ENTREP2: variants seen among roughly 807,000 people sequenced by gnomAD.
ENTREP2 encodes the protein protein ENTREP2.
At chr15:29,471,712 C>A in the ENTREP2 span, among the ~76,000 whole-genome samples, 1 of 152,240 alleles carries the variant, frequency 6.6e-6, no homozygotes, top group Non-Finnish European at 1.5e-5. Context: ...GGACAGCACA[C>A]CTCTGGTGCA....
chr15:29,279,834 A>G, the ENTREP2 span, among the ~76,000 whole-genome samples: 1 of 152,190 alleles, frequency 6.6e-6, no homozygotes, highest in Non-Finnish European at 1.5e-5. Context: ...TCAACATGAG[A>G]AATCATGTTG....
the ENTREP2 span, among the ~76,000 whole-genome samples, chr15:29,442,459 G>C: frequency 2.6e-5 from 4 of 152,160 alleles, no homozygotes; most frequent in African/African-American, 9.7e-5. Context: ...TTTTATTCTT[G>C]GAGAAATCAC....
chr15:29,585,973 A>G, the ENTREP2 span, among the ~76,000 whole-genome samples: 1 of 152,300 alleles, frequency 6.6e-6, no homozygotes, highest in Admixed American at 6.5e-5. Context: ...ATAGGTATAT[A>G]CCCAAGAGAA....
At chr15:29,132,878 G>A in the ENTREP2 span, among the ~76,000 whole-genome samples, 3 of 152,258 alleles carry the variant, frequency 2.0e-5, no homozygotes, top group African/African-American at 4.8e-5. Context: ...AGGGAGAACC[G>A]GGAAGCAGGC....
At chr15:29,146,661 G>A in the ENTREP2 span, among the ~76,000 whole-genome samples, 1 of 152,322 alleles carries the variant, frequency 6.6e-6, no homozygotes, top group East Asian at 1.9e-4. Flanking sequence ...GTGCAGGCCG[G>A]GTGTGGTGGC....
chr15:29,478,851 G>A, the ENTREP2 span, among the ~76,000 whole-genome samples: 3 of 150,152 alleles, frequency 2.0e-5, no homozygotes, highest in African/African-American at 7.4e-5. Context: ...GTTGCAGTGA[G>A]CTGAGATCTT....
the ENTREP2 span, among the ~76,000 whole-genome samples, chr15:29,578,266 T>C: frequency 6.6e-6 from 1 of 152,214 alleles, no homozygotes; most frequent in African/African-American, 2.4e-5. Context: ...AGTCTGGCTG[T>C]TCCTCAAAAA....
the ENTREP2 span, among the ~76,000 whole-genome samples, chr15:29,396,094 T>A: frequency 3.9e-4 from 59 of 152,332 alleles, no homozygotes; most frequent in South Asian, 1.0e-2. Context: ...CCTCACTAGT[T>A]ACCATTTCTT....
At chr15:29,375,404 C>CCT in the ENTREP2 span, 7 of 152,248 alleles carry the variant, frequency 4.6e-5, no homozygotes, top group African/African-American at 1.7e-4. Context: ...TCTCCAGAAC[C>CCT]CTCTACTTGA....
chr15:29,136,601 C>G, the ENTREP2 span: 1 of 1,268,214 alleles, frequency 7.9e-7, no homozygotes, highest in Non-Finnish European at 1.1e-6. Flanking sequence ...AGGGCTTCCC[C>G]TCTTCTAATA....
At chr15:29,188,949 G>A in the ENTREP2 span, among the ~76,000 whole-genome samples, 3 of 152,178 alleles carry the variant, frequency 2.0e-5, no homozygotes, top group East Asian at 1.9e-4. Context: ...GCGTACCCTC[G>A]CTCCTCGGGG....
the ENTREP2 span, among the ~76,000 whole-genome samples, chr15:29,301,263 G>A: frequency 2.0e-5 from 3 of 152,228 alleles, no homozygotes; most frequent in Non-Finnish European, 2.9e-5. Flanking sequence ...TAACAGAATC[G>A]AGAAAAGCAA....
the ENTREP2 span, among the ~76,000 whole-genome samples, chr15:29,591,698 C>A: frequency 2.1e-4 from 32 of 152,034 alleles, no homozygotes; most frequent in African/African-American, 7.5e-4. Flanking sequence ...TACAGCCAGG[C>A]ATGGTGGTGC....
At chr15:29,280,878 CTTTTT>C in the ENTREP2 span, among the ~76,000 whole-genome samples, 1 of 149,794 alleles carries the variant, frequency 6.7e-6, no homozygotes, top group Non-Finnish European at 1.5e-5. Context: ...AGAAGCAGTA[CTTTTT>C]TTTTTAAGAC....
chr15:29,539,016 C>T, the ENTREP2 span, among the ~76,000 whole-genome samples: 1 of 152,212 alleles, frequency 6.6e-6, no homozygotes, highest in Non-Finnish European at 1.5e-5. Context: ...ATAATGGCAG[C>T]TGCACCTTCC....
the ENTREP2 span, among the ~76,000 whole-genome samples, chr15:29,639,148 C>G: frequency 1.3e-5 from 2 of 152,212 alleles, no homozygotes; most frequent in Non-Finnish European, 2.9e-5. Flanking sequence ...AAATAAGCTA[C>G]TGAGCATCTG....
At chr15:29,539,068 T>A in the ENTREP2 span, among the ~76,000 whole-genome samples, 2 of 152,004 alleles carry the variant, frequency 1.3e-5, no homozygotes, top group South Asian at 4.1e-4. Context: ...CAAGGGGTGG[T>A]GAGGGAGAAA....
At chr15:29,410,027 G>A in the ENTREP2 span, among the ~76,000 whole-genome samples, 257 of 152,280 alleles carry the variant, frequency 1.7e-3, 2 homozygotes, top group African/African-American at 5.8e-3. Context: ...TCGCCCTAGC[G>A]CAGGTCTGGA....
chr15:29,356,866 A>G, the ENTREP2 span, among the ~76,000 whole-genome samples: 1 of 152,274 alleles, frequency 6.6e-6, no homozygotes. Context: ...AGTCTTTCAT[A>G]AAATCCAACA....
Sources: allele counts gnomAD v4.1 joint callset (sites outside exome capture counted in the v4.1 genomes callset), GRCh38; gene constraint gnomAD v4.1.1; transcripts MANE v1.5; gene names NCBI Gene and HGNC (gene_info 2026-07-23, HGNC 2026-07-21).